Variants in LARP6 observed in about 807,000 individuals in gnomAD.
LARP6 encodes La ribonucleoprotein 6, translational regulator.
A neutral mutation model predicts 32.8 loss-of-function variants in LARP6; 18 were observed. That is an observed-to-expected ratio of 0.55 (90% CI 0.38 to 0.81). The LOEUF (loss-of-function observed/expected upper bound fraction) is 0.81, where lower values mean the gene tolerates loss of function less well. Ranked by LOEUF, LARP6 falls within the 40% of genes least tolerant of loss-of-function variation. The pLI, the probability that LARP6 is intolerant of heterozygous loss-of-function variation, is 0.00. For missense variants in LARP6, 598 were observed against 663.1 expected, an observed-to-expected ratio of 0.90 and a Z score of 1.08; for synonymous variants, 289 against 267.2, an observed-to-expected ratio of 1.08 and a Z score of -0.80.
chr15:70,832,136 T>A lies in LARP6; in HGVS notation c.1392A>T (p.Leu464=), dbSNP rs1191379946. Residue 464 remains leucine, a synonymous_variant, in exon 3 of 3, where the codon CTA becomes CTT. Transcript: ENST00000299213. The part of the protein sequence containing the change: ...LSRKMQTADG[L]PVGVLRLPRG... ...TGGGCAACCTCAGCACCCCTACGGGTAGCCCATCTGCAGTCTGCATCTTCC... is the reference window on the plus strand; with the variant it reads ...TGGGCAACCTCAGCACCCCTACGGGAAGCCCATCTGCAGTCTGCATCTTCC... The A allele has an allele frequency of 6.2e-7, 1 of 1,609,922 alleles. No individual in the cohort carries two copies. The highest frequency in any genetic ancestry group is 2.2e-5 in the East Asian group (1 of 44,828).
In LARP6 at chr15:70,832,397, C is replaced by T. The variant is rs768731269; in HGVS notation, c.1131G>A (p.Pro377=). ...QNLFLSPNAS[P]CTSPWSSPLA... ...AGGGGCTGCTCCAAGGACTTGTGCA[C>T]GGGGAGGCATTTGGACTCAGAAAGA... The change falls in exon 3 of 3, where the codon CCG becomes CCA. Residue 377 remains proline, a synonymous_variant. Transcript: ENST00000299213. 14 of 1,605,296 alleles carry T rather than the reference C, an allele frequency of 8.7e-6. No individual in the cohort carries two copies. Among genetic ancestry groups the T allele is most frequent in the African/African-American group, 4.0e-5 (3 of 74,588 alleles).
At chr15:70,852,407 G>C (rs191763551) in intron 1 of LARP6, 2 of 362,586 alleles carry the variant, frequency 5.5e-6, no homozygotes, top group African/African-American at 4.3e-5. Context: ...GACCTCCATA[G>C]GGGATCTTTC....
chr15:70,843,527 T>C (rs944356434), intron 1 of LARP6, among the ~76,000 whole-genome samples: 1 of 152,180 alleles, frequency 6.6e-6, no homozygotes, highest in African/African-American at 2.4e-5. Flanking sequence ...TCTCTATTCA[T>C]GTCTTACTAC....
At chr15:70,852,830 G>C (rs2032510174) in intron 1 of LARP6, among the ~76,000 whole-genome samples, 1 of 152,162 alleles carries the variant, frequency 6.6e-6, no homozygotes, top group South Asian at 2.1e-4. Context: ...ACCTGGGGAA[G>C]GGTGAGCCAG....
chr15:70,845,911 C>T (rs985242277), intron 1 of LARP6, among the ~76,000 whole-genome samples: 1 of 152,252 alleles, frequency 6.6e-6, no homozygotes, highest in Non-Finnish European at 1.5e-5. Flanking sequence ...GCTCTGCTTT[C>T]GCATCCCTAG....
intron 1 of LARP6, among the ~76,000 whole-genome samples, chr15:70,847,052 T>C (rs1037993180): frequency 2.6e-5 from 4 of 152,238 alleles, no homozygotes; most frequent in Admixed American, 2.6e-4. Context: ...TTCATTATAG[T>C]ATTACCCCAG....
chr15:70,842,289 C>T (rs1441342988), intron 1 of LARP6, among the ~76,000 whole-genome samples: 1 of 151,996 alleles, frequency 6.6e-6, no homozygotes, highest in African/African-American at 2.4e-5. Context: ...CTCAAGTGAT[C>T]CACCCACGTC....
In LARP6 at chr15:70,832,415, C is replaced by T. The variant is rs748166856; in HGVS notation, c.1113G>A (p.Leu371=). The change falls in exon 3 of 3, where the codon CTG becomes CTA. Residue 371 remains leucine, a synonymous_variant. Transcript: ENST00000299213. ...LSPSGHQNLF[L]SPNASPCTSP... ...TTGTGCACGGGGAGGCATTTGGACT[C>T]AGAAAGAGATTCTGGTGGCCAGACG... 4.4e-6 allele frequency: 7 copies of T among 1,591,990 alleles called. No individual in the cohort carries two copies. In the East Asian group the frequency reaches 1.6e-4, roughly 36 times the overall value.
Position 70,829,219 on chromosome 15 carries a change from ACCT to A in LARP6, c.*2830_*2832del, listed in dbSNP as rs1291331266. 2.0e-5 allele frequency: 3 copies of A among 151,758 alleles called. No individual in the cohort carries two copies. Among genetic ancestry groups the A allele is most frequent in the African/African-American group, 7.3e-5 (3 of 41,196 alleles). The allele number at this position is 151,758 out of a possible 1,614,324, so 9.4% of individuals were successfully genotyped here. A position where few individuals can be genotyped will look rare whatever the true frequency, so the allele number is the denominator to read the frequency against. ...AGCGGCGTGATCTCGGCTCACTGCA[ACCT>A]CCGCCTCCCAGGTTCAAGCAATTCT... On this transcript the variant is annotated 3_prime_UTR_variant, in exon 3 of 3. Transcript: ENST00000299213.
intron 1 of LARP6, among the ~76,000 whole-genome samples, chr15:70,846,187 T>G (rs2032342126): frequency 6.6e-6 from 1 of 152,218 alleles, no homozygotes; most frequent in Admixed American, 6.5e-5. Flanking sequence ...TACAGCCTCC[T>G]CCACTCTGTG....
At position 70,847,303 on chromosome 15, in the gene LARP6, T is replaced by C. The variant is rs546429083; in HGVS notation, c.200+6586A>G. 2.0e-5 allele frequency among the ~76,000 whole-genome samples: 3 copies of C among 152,214 alleles called. No homozygotes were observed. In the South Asian group the frequency reaches 6.2e-4, roughly 32 times the overall value. On this transcript the variant is annotated intron_variant, in intron 1 of 2. Transcript: ENST00000299213. ...GTCTTTTGTTATAGCTATAAACCTG[T>C]GAGAAATGGGTAGAAATAAAGGGGT... is the stretch of plus-strand genomic sequence containing the variant.
intron 1 of LARP6, chr15:70,852,050 T>C (rs916555092): frequency 5.4e-6 from 2 of 370,318 alleles, no homozygotes; most frequent in African/African-American, 4.2e-5. Context: ...CACATCTTAA[T>C]GAGCAGATTG....
At chr15:70,845,323 AG>A (rs2032326280) in intron 1 of LARP6, among the ~76,000 whole-genome samples, 1 of 152,132 alleles carries the variant, frequency 6.6e-6, no homozygotes, top group East Asian at 1.9e-4. Context: ...TGGCTGTGAC[AG>A]TTTTCCTTGT....
chr15:70,843,904 C>A (rs2141055231), intron 1 of LARP6, among the ~76,000 whole-genome samples: 1 of 150,838 alleles, frequency 6.6e-6, no homozygotes, highest in African/African-American at 2.4e-5. Context: ...AATCTGCCCA[C>A]CTCGGCCTCC....
In LARP6 at chr15:70,831,819, C is replaced by T; in HGVS notation, c.*233G>A. On this transcript the variant is annotated 3_prime_UTR_variant, in exon 3 of 3. Transcript: ENST00000299213. ...GGGCCATCACACTCACACACATCAG[C>T]CATCATCAAAATAGTGGCCATGCTG... 2.7e-6 allele frequency: 1 copy of T among 366,882 alleles called. No individual in the cohort carries two copies. Among genetic ancestry groups the T allele is most frequent in the Non-Finnish European group, 4.8e-6 (1 of 206,216 alleles). 22.7% of individuals were successfully genotyped at this position (366,882 alleles called of 1,614,324 possible).
At chr15:70,851,782 G>A (rs2032465550) in intron 1 of LARP6, 7 of 1,609,258 alleles carry the variant, frequency 4.3e-6, no homozygotes, top group Non-Finnish European at 5.9e-6. Flanking sequence ...AAAATGTACA[G>A]AGTACTACAG....
In LARP6 at chr15:70,836,475, C is replaced by T. The variant is rs1195691283; in HGVS notation, c.231G>A (p.Glu77=). The T allele has an allele frequency of 6.2e-7, 1 of 1,614,224 alleles. No individual in the cohort carries two copies. Among genetic ancestry groups the T allele is most frequent in the African/African-American group, 1.3e-5 (1 of 75,062 alleles). ...SGTTASGGEN[E]REDLEQEWKP... Reference sequence around the variant, plus strand: ...TCCACTCCTGCTCCAGGTCCTCACGCTCGTTCTCACCTCCACTTGCAGTGG... The same window carrying T: ...TCCACTCCTGCTCCAGGTCCTCACGTTCGTTCTCACCTCCACTTGCAGTGG... The change falls in exon 2 of 3, where the codon GAG becomes GAA. Residue 77 remains glutamate, a synonymous_variant. Coordinates refer to ENST00000299213, the MANE Select transcript of LARP6 (RefSeq NM_018357.4).
chr15:70,838,474 C>A (rs1386174091), intron 1 of LARP6, among the ~76,000 whole-genome samples: 2 of 152,160 alleles, frequency 1.3e-5, no homozygotes, highest in South Asian at 2.1e-4. Context: ...TACATAATAC[C>A]TTATATGTTT....
rs2032579239 is a variant in LARP6, at chr15:70,854,092, T to G, written c.-4A>C. 1.6e-6 allele frequency: 2 copies of G among 1,289,328 alleles called. No homozygotes were observed. Among genetic ancestry groups the G allele is most frequent in the Admixed American group, 7.3e-5 (2 of 27,524 alleles). 79.9% of individuals were successfully genotyped at this position (1,289,328 alleles called of 1,614,324 possible). Reference sequence around the variant, plus strand: ...CCTCCCCGCCGGACTGGGCCATGGCTCGCGGGACTGCGGCGCCGCCGGGGT... The same window carrying G: ...CCTCCCCGCCGGACTGGGCCATGGCGCGCGGGACTGCGGCGCCGCCGGGGT... On this transcript the variant is annotated 5_prime_UTR_variant, in exon 1 of 3. Coordinates refer to ENST00000299213, the MANE Select transcript of LARP6 (RefSeq NM_018357.4).
Sources: gnomAD v4.1 joint callset for allele counts (sites outside exome capture counted in the v4.1 genomes callset) on GRCh38, gnomAD v4.1.1 for gene constraint, MANE v1.5 for transcripts, NCBI Gene and HGNC (gene_info 2026-07-23, HGNC 2026-07-21) for gene names.